The following GRIK5 variants were observed in gnomAD, a reference collection of about 807,000 sequenced individuals.
GRIK5 encodes glutamate receptor ionotropic, kainate 5.
Under a neutral mutation model 97.4 loss-of-function variants are expected in GRIK5, and 43 were observed. The ratio of observed to expected loss-of-function variants is 0.44; its 90% CI spans 0.35 to 0.57. The LOEUF is 0.57. Ranked by LOEUF, GRIK5 falls within the 20% of genes least tolerant of loss-of-function variation. The pLI is 0.01. For synonymous variants in GRIK5, 580 were observed against 583.5 expected, an observed-to-expected ratio of 0.99 and a Z score of 0.09; for missense variants, 1,015 against 1,382.0, an observed-to-expected ratio of 0.73 and a Z score of 4.21.
Position 41,999,066 on chromosome 19 carries a change from G to C in GRIK5, c.2748C>G (p.Pro916=). The C allele has an allele frequency of 3.2e-6, 4 of 1,266,300 alleles. No homozygotes were observed. Among genetic ancestry groups the C allele is most frequent in the Non-Finnish European group, 4.0e-6 (4 of 1,009,686 alleles). The allele number at this position is 1,266,300 out of a possible 1,614,324, so 78.4% of individuals were successfully genotyped here. The part of the protein sequence containing the change: ...PQRLLDDPGP[P]SGARPAAPTP... The stretch of plus-strand genomic sequence containing the variant: ...TGGGGGCGGCGGGTCGGGCTCCGCT[G>C]GGGGGCCCCGGGTCGTCCAGGAGGC... The change falls in exon 20 of 20, where the codon CCC becomes CCG. Residue 916 remains proline (P), a synonymous_variant. Transcript: ENST00000593562. This position sits in a 1 kb window ranked among gnomAD's most constrained non-coding sequence, Gnocchi z 5.0.
chr19:42,044,942 AAAAT>A (rs1360054447), intron 11 of GRIK5, among the ~76,000 whole-genome samples: 1 of 152,204 alleles, frequency 6.6e-6, no homozygotes, highest in Non-Finnish European at 1.5e-5. Flanking sequence ...TCTCAAAAAT[AAAAT>A]AAATAAAATA....
At chr19:42,053,363 C>G (rs973659752) in intron 11 of GRIK5, among the ~76,000 whole-genome samples, 1 of 152,348 alleles carries the variant, frequency 6.6e-6, no homozygotes, top group Admixed American at 6.5e-5. Context: ...TGACCAGAGC[C>G]AGATACTGTG....
intron 11 of GRIK5, 33 bp downstream of exon 11, chr19:42,053,569 G>T: frequency 2.3e-6 from 3 of 1,284,010 alleles, no homozygotes; most frequent in Non-Finnish European, 3.4e-6. Context: ...TCAGGGCAGC[G>T]CCACTCCCAG....
chr19:42,023,579 C>T (rs554701277), intron 12 of GRIK5, among the ~76,000 whole-genome samples: 1 of 152,270 alleles, frequency 6.6e-6, no homozygotes, highest in East Asian at 1.9e-4. Context: ...GGGCCAGGAG[C>T]TCAAGACCCC....
chr19:42,061,813 T>C (rs916843751), intron 5 of GRIK5, among the ~76,000 whole-genome samples: 2 of 152,124 alleles, frequency 1.3e-5, no homozygotes, highest in Non-Finnish European at 2.9e-5. Context: ...CTCTCCAGCC[T>C]GTTCTCTACA....
chr19:42,013,886 G>A (rs1266291482), intron 15 of GRIK5, among the ~76,000 whole-genome samples: 4 of 151,688 alleles, frequency 2.6e-5, no homozygotes, highest in East Asian at 3.9e-4. Context: ...AAATTTAGCC[G>A]GGTGTGGCGT....
chr19:42,062,023 C>G lies in GRIK5; in HGVS notation c.508+465G>C, dbSNP rs2076266072. Among the ~76,000 whole-genome samples, 1 of 152,242 alleles carries G rather than the reference C, an allele frequency of 6.6e-6. No individual in the cohort carries two copies. Among genetic ancestry groups the G allele is most frequent in the African/African-American group, 2.4e-5 (1 of 41,456 alleles). On this transcript the variant is annotated intron_variant, in intron 5 of 19. Transcript: ENST00000593562. This position sits in a 1 kb window ranked among gnomAD's most constrained non-coding sequence, Gnocchi z 5.3. ...GCCCGTCACACTTTCTACTTAGAAC[C>G]TGTTCCCTCTTTCTTCCCACACCCT...
intron 8 of GRIK5, among the ~76,000 whole-genome samples, chr19:42,056,014 C>T (rs914538612): frequency 2.7e-5 from 4 of 147,854 alleles, no homozygotes; most frequent in African/African-American, 1.0e-4. Context: ...GAGACGGAGT[C>T]TCGCTCTCTC....
In GRIK5 at chr19:42,065,187, C is replaced by G; in HGVS notation, c.244+36G>C. 5 of 1,579,380 alleles carry G rather than the reference C, an allele frequency of 3.2e-6. No homozygotes were observed. The highest frequency in any genetic ancestry group is 4.3e-6 in the Non-Finnish European group (5 of 1,157,944). On this transcript the variant is annotated intron_variant, in intron 3 of 19. Coordinates refer to ENST00000593562, the MANE Select transcript of GRIK5 (RefSeq NM_002088.5). The surrounding 1 kb of genome is among the most constrained non-coding windows in gnomAD (Gnocchi z 5.8). The stretch of plus-strand genomic sequence containing the variant: ...GGATGGACTGAGGGCCACCGACCTG[C>G]CCTGCCTCACCCCACGCCCCCATGG...
Position 42,053,943 on chromosome 19 carries a change from G to A in GRIK5, c.1057-14C>T. 3 of 1,583,728 alleles carry A rather than the reference G, an allele frequency of 1.9e-6. No individual in the cohort carries two copies. Among genetic ancestry groups the A allele is most frequent in the South Asian group, 1.1e-5 (1 of 90,344 alleles). On this transcript the variant is annotated splice_polypyrimidine_tract_variant and intron_variant, in intron 9 of 19. Transcript: ENST00000593562. The stretch of plus-strand genomic sequence containing the variant: ...ATCATACTCTACCTGGCAGGGTGGG[G>A]AGGTGGGGCAGAGGGAGAGTGCAGG...
At chr19:42,063,067 C>A (rs903518236) in intron 3 of GRIK5, among the ~76,000 whole-genome samples, 2 of 152,168 alleles carry the variant, frequency 1.3e-5, no homozygotes, top group Non-Finnish European at 2.9e-5. Flanking sequence ...GAGGACACAG[C>A]AACAGAGGGA....
intron 15 of GRIK5, among the ~76,000 whole-genome samples, chr19:42,007,473 G>A (rs978968926): frequency 5.3e-5 from 8 of 152,142 alleles, no homozygotes; most frequent in Admixed American, 2.0e-4. Context: ...GAGTCTTATT[G>A]TCCAGGCTGC....
At chr19:42,032,263 A>C (rs559669917) in intron 12 of GRIK5, among the ~76,000 whole-genome samples, 3 of 152,376 alleles carry the variant, frequency 2.0e-5, no homozygotes, top group African/African-American at 7.2e-5. Context: ...CATTCTGTTT[A>C]GGTTAAAACA....
chr19:42,067,392 G>C (rs1189306155), intron 1 of GRIK5, among the ~76,000 whole-genome samples: 1 of 152,222 alleles, frequency 6.6e-6, no homozygotes, highest in Admixed American at 6.5e-5. Flanking sequence ...GAGAAGAAGA[G>C]AGTGCTAGGT....
intron 6 of GRIK5, among the ~76,000 whole-genome samples, chr19:42,057,636 G>T (rs1231886731): frequency 6.6e-6 from 1 of 152,124 alleles, no homozygotes; most frequent in Non-Finnish European, 1.5e-5. Context: ...ATGGTGCTGG[G>T]ATTATAGGTG....
chr19:42,007,446 G>A (rs1555872998), intron 15 of GRIK5, among the ~76,000 whole-genome samples: 2 of 152,118 alleles, frequency 1.3e-5, no homozygotes, highest in East Asian at 3.9e-4. Flanking sequence ...TGTGATCCCT[G>A]AGAAGAGAAA....
At chr19:42,033,252 A>T (rs1463185280) in intron 12 of GRIK5, among the ~76,000 whole-genome samples, 1 of 139,386 alleles carries the variant, frequency 7.2e-6, no homozygotes. Context: ...CATGAGGTGG[A>T]GGCTGCAGTG....
rs80185259 is a variant in GRIK5 at position 42,027,721 on chromosome 19, G to T, written c.1474-5367C>A. Among the ~76,000 whole-genome samples the T allele has an allele frequency of 9.1e-4, 139 of 152,304 alleles. 2 individuals carry two copies. In the East Asian group the frequency reaches 0.023, roughly 25 times the overall value. On this transcript the variant is annotated intron_variant, in intron 12 of 19. Transcript: ENST00000593562. Reference sequence around the variant, plus strand: ...TGAGATTTGGGTCTCATCTGAAGGTGTGATGGAAGGATCCTAAATGCTGCA... The same window carrying T: ...TGAGATTTGGGTCTCATCTGAAGGTTTGATGGAAGGATCCTAAATGCTGCA...
At chr19:42,048,939 G>A (rs2076078030) in intron 11 of GRIK5, among the ~76,000 whole-genome samples, 1 of 152,016 alleles carries the variant, frequency 6.6e-6, no homozygotes, top group Non-Finnish European at 1.5e-5. Flanking sequence ...CTACTCAGGA[G>A]GCTGAGATAG....
Sources: allele counts gnomAD v4.1 joint callset (sites outside exome capture counted in the v4.1 genomes callset), GRCh38; gene constraint gnomAD v4.1.1; non-coding constraint Gnocchi (gnomAD v3.1); transcripts MANE v1.5; gene names NCBI Gene and HGNC (gene_info 2026-07-23, HGNC 2026-07-21).